The following NXPE4 variants were observed in gnomAD, a reference collection of about 807,000 sequenced individuals.
The protein encoded by NXPE4 is NXPE family member 4.
Under a neutral mutation model 33.3 loss-of-function variants are expected in NXPE4, and 42 were observed. The ratio of observed to expected loss-of-function variants is 1.26; its 90% CI spans 0.98 to 1.63. The LOEUF is 1.63. Ranked by LOEUF, NXPE4 falls within the 40% of genes most tolerant of loss-of-function variation. The pLI is 0.00. For missense variants in NXPE4, 709 were observed against 647.6 expected, an observed-to-expected ratio of 1.09 and a Z score of -1.03; for synonymous variants, 253 against 234.9, an observed-to-expected ratio of 1.08 and a Z score of -0.71.
chr11:114,613,286 T>C, the NXPE4 span, among the ~76,000 whole-genome samples: 4 of 148,272 alleles, frequency 2.7e-5, no homozygotes, highest in African/African-American at 1.0e-4. Context: ...CCACTGTTAC[T>C]AGGTGGATAA....
chr11:114,633,267 T>C, the NXPE4 span, among the ~76,000 whole-genome samples: 26 of 136,188 alleles, frequency 1.9e-4, no homozygotes, highest in South Asian at 5.5e-3. Flanking sequence ...AAGAATGTTA[T>C]ATAGTATTAT....
the NXPE4 span, among the ~76,000 whole-genome samples, chr11:114,669,999 A>G: frequency 1.3e-5 from 2 of 152,218 alleles, no homozygotes; most frequent in South Asian, 4.1e-4. Context: ...AAGCAAAACC[A>G]TAAACCAACT....
chr11:114,570,781 C>G lies in NXPE4; in HGVS notation c.*157G>C. 1 of 548,248 alleles carries G rather than the reference C, an allele frequency of 1.8e-6. No homozygotes were observed. Among genetic ancestry groups the G allele is most frequent in the Non-Finnish European group, 3.2e-6 (1 of 313,520 alleles). The allele number at this position is 548,248 out of a possible 1,614,324, so 34.0% of individuals were successfully genotyped here. On this transcript the variant is annotated 3_prime_UTR_variant, in exon 6 of 6. Coordinates refer to ENST00000375478, the MANE Select transcript of NXPE4 (RefSeq NM_001077639.2). ...AAGTGGAAGCCCAGATTAGAAACAT[C>G]TCATTTAGCTGAATTGGTGGCTTAT...
chr11:114,661,580 T>C, the NXPE4 span, among the ~76,000 whole-genome samples: 1 of 152,212 alleles, frequency 6.6e-6, no homozygotes, highest in African/African-American at 2.4e-5. Flanking sequence ...AGTACAAGCA[T>C]TGTAGAACAT....
chr11:114,658,572 G>A, the NXPE4 span, among the ~76,000 whole-genome samples: 1 of 152,104 alleles, frequency 6.6e-6, no homozygotes, highest in African/African-American at 2.4e-5. Flanking sequence ...GAACACTAAA[G>A]TGTTATGCTA....
the NXPE4 span, among the ~76,000 whole-genome samples, chr11:114,638,886 C>T: frequency 6.7e-6 from 1 of 150,198 alleles, no homozygotes; most frequent in Non-Finnish European, 1.5e-5. Context: ...TGGGGGGTGC[C>T]TCCTAGTTAG....
At chr11:114,574,789 C>T (rs1948961138) in intron 5 of NXPE4, among the ~76,000 whole-genome samples, 1 of 152,078 alleles carries the variant, frequency 6.6e-6, no homozygotes, top group East Asian at 1.9e-4. Flanking sequence ...AAATCCTATT[C>T]ACACTATTCC....
At chr11:114,635,469 G>A in the NXPE4 span, among the ~76,000 whole-genome samples, 6 of 151,662 alleles carry the variant, frequency 4.0e-5, no homozygotes, top group South Asian at 2.1e-4. Context: ...CTTCTCCTGC[G>A]TAATTGCCCT....
the NXPE4 span, among the ~76,000 whole-genome samples, chr11:114,675,012 ACATGTAATC>A: frequency 3.0e-3 from 459 of 151,988 alleles, 3 homozygotes; most frequent in African/African-American, 8.4e-3. Flanking sequence ...ACAAATCTAT[ACATGTAATC>A]CATCATATTA....
intron 5 of NXPE4, among the ~76,000 whole-genome samples, chr11:114,578,494 G>T (rs1405513395): frequency 1.3e-5 from 2 of 152,134 alleles, no homozygotes; most frequent in African/African-American, 4.8e-5. Context: ...GGTTTCCCTA[G>T]GAGTTTAGTC....
chr11:114,600,524 ATTTT>A (rs1949625187), upstream of NXPE4, among the ~76,000 whole-genome samples: 1 of 152,092 alleles, frequency 6.6e-6, no homozygotes, highest in African/African-American at 2.4e-5. Flanking sequence ...TTATGAGAAA[ATTTT>A]GCATAGAAAA....
chr11:114,628,342 A>G, the NXPE4 span, among the ~76,000 whole-genome samples: 2 of 152,158 alleles, frequency 1.3e-5, 1 homozygote, highest in African/African-American at 4.8e-5. Flanking sequence ...AGTGCAATCA[A>G]ACTAGAACTC....
At chr11:114,597,936 T>G (rs1264544164), upstream of NXPE4, among the ~76,000 whole-genome samples, 4 of 152,050 alleles carry the variant, frequency 2.6e-5, no homozygotes, top group Non-Finnish European at 5.9e-5. Flanking sequence ...TCCCTCAAAG[T>G]CTTAGTGAAT....
chr11:114,593,536 G>A (rs553540570), intron 2 of NXPE4, among the ~76,000 whole-genome samples: 38 of 152,146 alleles, frequency 2.5e-4, no homozygotes, highest in Non-Finnish European at 4.7e-4. Flanking sequence ...ATATGCTAGT[G>A]AGGATGTGGA....
At chr11:114,614,136 TAATAA>T in the NXPE4 span, among the ~76,000 whole-genome samples, 2 of 151,910 alleles carry the variant, frequency 1.3e-5, no homozygotes, top group Middle Eastern at 3.4e-3. Flanking sequence ...ACCTGCTGGA[TAATAA>T]GTGCTGCCTC....
At chr11:114,605,568 G>A in the NXPE4 span, among the ~76,000 whole-genome samples, 38 of 151,094 alleles carry the variant, frequency 2.5e-4, 1 homozygote, top group Non-Finnish European at 2.7e-4. Flanking sequence ...ACTGTTACCC[G>A]GTGGATAATA....
the NXPE4 span, among the ~76,000 whole-genome samples, chr11:114,677,093 A>G: frequency 6.6e-6 from 1 of 152,136 alleles, no homozygotes; most frequent in East Asian, 1.9e-4. Flanking sequence ...ATAGAGTAGA[A>G]TCGTGGTTGC....
At chr11:114,607,215 G>A in the NXPE4 span, among the ~76,000 whole-genome samples, 1 of 151,240 alleles carries the variant, frequency 6.6e-6, no homozygotes, top group African/African-American at 2.4e-5. Flanking sequence ...GAAAATAAAT[G>A]TTACCTCGTG....
chr11:114,638,992 C>T, the NXPE4 span, among the ~76,000 whole-genome samples: 1 of 152,064 alleles, frequency 6.6e-6, no homozygotes, highest in African/African-American at 2.4e-5. Context: ...CTGCTCTCTT[C>T]AAAGCTGTCA....
Sources: allele counts gnomAD v4.1 joint callset (sites outside exome capture counted in the v4.1 genomes callset), GRCh38; gene constraint gnomAD v4.1.1; transcripts MANE v1.5; gene names NCBI Gene and HGNC (gene_info 2026-07-23, HGNC 2026-07-21).